MAPKAP1: variants seen among roughly 807,000 people sequenced by gnomAD.
MAPKAP1 encodes the protein MAPK associated protein 1.
Under a neutral mutation model 65.7 loss-of-function variants are expected in MAPKAP1, and 20 were observed. The ratio of observed to expected loss-of-function variants is 0.30; its 90% CI spans 0.21 to 0.44. The LOEUF (loss-of-function observed/expected upper bound fraction) is 0.44, where lower values mean the gene tolerates loss of function less well. MAPKAP1 is among the 20% of genes least tolerant of loss of function. The pLI is 1.00. For missense variants in MAPKAP1, 423 were observed against 648.0 expected (o/e 0.65, Z 3.77); for synonymous variants, 222 against 244.3 (o/e 0.91, Z 0.85).
chr9:125,479,332 C>T (rs1040187802), intron 9 of MAPKAP1, among the ~76,000 whole-genome samples: 21 of 152,160 alleles, frequency 1.4e-4, no homozygotes, highest in Admixed American at 1.3e-3. Flanking sequence ...GTAATCCCAG[C>T]ACTTTGGGAG....
At chr9:125,523,771 C>T (rs1271256759) in intron 7 of MAPKAP1, among the ~76,000 whole-genome samples, 2 of 152,210 alleles carry the variant, frequency 1.3e-5, no homozygotes, top group Non-Finnish European at 2.9e-5. Flanking sequence ...TAAGCTGTGG[C>T]TCTTGGTACG....
At chr9:125,665,933 C>T (rs1200966646) in intron 3 of MAPKAP1, among the ~76,000 whole-genome samples, 1 of 152,166 alleles carries the variant, frequency 6.6e-6, no homozygotes, top group Non-Finnish European at 1.5e-5. Context: ...TATTAGACTT[C>T]GAACTTCTTG....
intron 8 of MAPKAP1, among the ~76,000 whole-genome samples, chr9:125,485,171 T>C (rs1854458280): frequency 1.3e-5 from 2 of 152,212 alleles, no homozygotes. Flanking sequence ...TGGCTGTCTA[T>C]TGATAGACAT....
chr9:125,582,558 T>C (rs1589310422), intron 5 of MAPKAP1, among the ~76,000 whole-genome samples: 1 of 152,164 alleles, frequency 6.6e-6, no homozygotes, highest in South Asian at 2.1e-4. Context: ...CTTACACTGA[T>C]AGTTCAGGGT....
At chr9:125,648,126 G>A (rs901867328) in intron 4 of MAPKAP1, among the ~76,000 whole-genome samples, 5 of 151,966 alleles carry the variant, frequency 3.3e-5, no homozygotes, top group African/African-American at 9.7e-5. Flanking sequence ...CCATAACAAC[G>A]ACTGCAAGAG....
chr9:125,460,652 A>G (rs1853461396), intron 10 of MAPKAP1, among the ~76,000 whole-genome samples: 3 of 152,172 alleles, frequency 2.0e-5, no homozygotes, highest in African/African-American at 7.2e-5. Flanking sequence ...ACTGTATCAA[A>G]ACACCTTTTT....
At chr9:125,510,827 A>G (rs1353788538) in intron 7 of MAPKAP1, among the ~76,000 whole-genome samples, 1 of 152,258 alleles carries the variant, frequency 6.6e-6, no homozygotes, top group Non-Finnish European at 1.5e-5. Context: ...GAAAGATTAT[A>G]GTATTTTACA....
chr9:125,450,571 T>G (rs925768040), intron 10 of MAPKAP1, among the ~76,000 whole-genome samples: 4 of 152,204 alleles, frequency 2.6e-5, no homozygotes, highest in Non-Finnish European at 5.9e-5. Context: ...CTATCTCTGT[T>G]GGGCTTCTGG....
At chr9:125,462,922 G>A (rs1001779792) in intron 10 of MAPKAP1, among the ~76,000 whole-genome samples, 1 of 152,178 alleles carries the variant, frequency 6.6e-6, no homozygotes, top group African/African-American at 2.4e-5. Context: ...ACTGACTCGT[G>A]TACCAACATC....
chr9:125,469,353 C>T (rs984108577), intron 9 of MAPKAP1, among the ~76,000 whole-genome samples: 1 of 151,984 alleles, frequency 6.6e-6, no homozygotes, highest in East Asian at 1.9e-4. Context: ...AATTAACCTC[C>T]CCCCAAAATA....
chr9:125,697,084 G>A (rs999925732), intron 1 of MAPKAP1, among the ~76,000 whole-genome samples: 2 of 152,156 alleles, frequency 1.3e-5, no homozygotes, highest in South Asian at 2.1e-4. Context: ...CCACCAATAC[G>A]AATACAACTC....
chr9:125,466,709 C>A (rs114755499), intron 10 of MAPKAP1, among the ~76,000 whole-genome samples: 9,124 of 152,174 alleles, frequency 0.06, 819 homozygotes, highest in African/African-American at 0.2. Context: ...GGGTCGGAGG[C>A]CTCGCTGGGA....
At chr9:125,683,162 T>TG (rs1371153302) in intron 1 of MAPKAP1, among the ~76,000 whole-genome samples, 2 of 152,034 alleles carry the variant, frequency 1.3e-5, no homozygotes, top group African/African-American at 4.8e-5. Flanking sequence ...TTCACTATGT[T>TG]GGGCAGGCTG....
chr9:125,672,480 A>G lies in MAPKAP1; in HGVS notation c.95T>C (p.Ile32Thr). 3.1e-6 allele frequency: 5 copies of G among 1,614,162 alleles called. No individual in the cohort carries two copies. Among genetic ancestry groups the G allele is most frequent in the Admixed American group, 3.3e-5 (2 of 60,004 alleles). The change falls in exon 2 of 12, where the codon ATT becomes ACT. Residue 32 changes from isoleucine (I) to threonine (T), a missense_variant. Transcript: ENST00000265960. ...CTTCTCTAGGTCAACATCATGATCA[A>G]TGAGAACCATCTCACACATTCCCGT... Reference protein sequence around the residue: ...DDTGMCEMVLIDHDVDLEKIH... With the variant: ...DDTGMCEMVLTDHDVDLEKIH...
chr9:125,671,052 A>C (rs1284510936), intron 2 of MAPKAP1, among the ~76,000 whole-genome samples: 1 of 152,202 alleles, frequency 6.6e-6, no homozygotes, highest in Non-Finnish European at 1.5e-5. Context: ...ATAAATGTGA[A>C]GGGTACAGCC....
Position 125,447,475 on chromosome 9 carries a change from G to A in MAPKAP1, c.1346-2877C>T. 2.2e-6 allele frequency: 1 copy of A among 456,652 alleles called. No individual in the cohort carries two copies. The highest frequency in any genetic ancestry group is 4.4e-6 in the Non-Finnish European group (1 of 226,982). 28.3% of individuals were successfully genotyped at this position (456,652 alleles called of 1,614,324 possible). On this transcript the variant is annotated intron_variant, in intron 10 of 11. Transcript: ENST00000265960. This position sits in a 1 kb window ranked among gnomAD's most constrained non-coding sequence, Gnocchi z 4.5. ...CCCCCTCTTGCTCTCTGCAAGGAGT[G>A]ATGAGCGGAACCCTGGGGGGCAAGG...
intron 9 of MAPKAP1, among the ~76,000 whole-genome samples, chr9:125,481,228 A>G (rs1019798505): frequency 2.0e-5 from 3 of 152,164 alleles, no homozygotes; most frequent in African/African-American, 7.2e-5. Context: ...AATAATTTAC[A>G]TGTCAGGCTC....
chr9:125,614,821 TCC>T (rs1832699590), intron 4 of MAPKAP1, among the ~76,000 whole-genome samples: 1 of 152,140 alleles, frequency 6.6e-6, no homozygotes, highest in Non-Finnish European at 1.5e-5. Context: ...ATAGGAAATA[TCC>T]TAAATGGTGA....
intron 6 of MAPKAP1, among the ~76,000 whole-genome samples, chr9:125,549,693 T>C (rs1345899080): frequency 6.6e-6 from 1 of 152,174 alleles, no homozygotes; most frequent in African/African-American, 2.4e-5. Context: ...GCCAGAGTCC[T>C]TGGGACTTGC....
Sources: allele counts gnomAD v4.1 joint callset (sites outside exome capture counted in the v4.1 genomes callset), GRCh38; gene constraint gnomAD v4.1.1; non-coding constraint Gnocchi (gnomAD v3.1); transcripts MANE v1.5; gene names NCBI Gene and HGNC (gene_info 2026-07-23, HGNC 2026-07-21).